NCLN: variants seen among roughly 807,000 people sequenced by gnomAD.
NCLN encodes the protein BOS complex subunit NCLN.
In NCLN, 34 loss-of-function variants were observed where a neutral mutation model predicts 69.5. That is an observed-to-expected ratio of 0.49 (90% CI 0.37 to 0.65). The LOEUF (loss-of-function observed/expected upper bound fraction) is 0.65. Ranked by LOEUF, NCLN falls within the 30% of genes least tolerant of loss-of-function variation. The pLI is 0.00. For missense variants in NCLN, 710 were observed against 804.8 expected, an observed-to-expected ratio of 0.88 and a Z score of 1.42; for synonymous variants, 393 against 358.3, an observed-to-expected ratio of 1.10 and a Z score of -1.09.
intron 3 of NCLN, among the ~76,000 whole-genome samples, chr19:3,193,993 G>C (rs565430844): frequency 6.6e-6 from 1 of 152,340 alleles, no homozygotes; most frequent in Admixed American, 6.5e-5. Flanking sequence ...AGCCAGCTGA[G>C]GGGCTTGCCC....
chr19:3,194,230 A>G (rs1445034432), intron 3 of NCLN, among the ~76,000 whole-genome samples: 1 of 152,196 alleles, frequency 6.6e-6, no homozygotes, highest in Non-Finnish European at 1.5e-5. Flanking sequence ...AAAAATAGAA[A>G]AAGTTAGCCG....
chr19:3,201,525 G>T lies in NCLN; in HGVS notation c.699G>T (p.Trp233Cys). 2 of 1,554,286 alleles carry T rather than the reference G, an allele frequency of 1.3e-6. No individual in the cohort carries two copies. Among genetic ancestry groups the T allele is most frequent in the Non-Finnish European group, 1.7e-6 (2 of 1,156,074 alleles). ...AHYDAFGVAP[W>C]LSLGADSNGS... ...CCTTGCCTCTCCCGTCCCTGTAGTG[G>T]CTGTCGCTGGGCGCGGACTCCAACG... The change falls in exon 6 of 15, where the codon TGG (tryptophan) becomes TGT (cysteine). Residue 233 changes from tryptophan (W) to cysteine (C), a missense_variant and splice_region_variant. Transcript: ENST00000246117.
intron 9 of NCLN, among the ~76,000 whole-genome samples, 153 bp downstream of exon 9, chr19:3,204,904 C>T (rs750201462): frequency 6.6e-5 from 10 of 152,216 alleles, no homozygotes; most frequent in East Asian, 5.8e-4. Flanking sequence ...GCCGGCTGCA[C>T]GGTCAGGCCG....
chr19:3,206,425 G>A lies in NCLN; in HGVS notation c.1499G>A (p.Arg500Gln), dbSNP rs777009406. 9 of 1,545,564 alleles carry A rather than the reference G, an allele frequency of 5.8e-6. No homozygotes were observed. The highest frequency in any genetic ancestry group is 4.1e-5 in the African/African-American group (3 of 72,986). ...VKQHHVKADKRDPEFVFYDQL... is the reference protein window; with the variant it reads ...VKQHHVKADKQDPEFVFYDQL... ...CAGCACCACGTCAAGGCTGACAAGC[G>A]GTGAGGCTGGGGCTCCGCGCTGGCC... The change falls in exon 12 of 15, where the codon CGG becomes CAG. Residue 500 changes from arginine (R) to glutamine (Q), a missense_variant and splice_region_variant. Coordinates refer to ENST00000246117, the MANE Select transcript of NCLN (RefSeq NM_020170.4).
At chr19:3,192,795 A>G (rs1157438334) in intron 2 of NCLN, 135 bp downstream of exon 2, 2 of 824,282 alleles carry the variant, frequency 2.4e-6, no homozygotes, top group South Asian at 2.0e-5. Context: ...CCCCTGCTCC[A>G]TTGATCTCCA....
intron 4 of NCLN, among the ~76,000 whole-genome samples, chr19:3,197,090 G>A (rs1279329252): frequency 1.3e-5 from 2 of 152,248 alleles, no homozygotes; most frequent in East Asian, 1.9e-4. Flanking sequence ...TTTGTCGATG[G>A]CGGCTGTTCT....
Position 3,206,360 on chromosome 19 carries a change from G to T in NCLN, c.1434G>T (p.Thr478=), listed in dbSNP as rs1329170958. The change falls in exon 12 of 15, where the codon ACG becomes ACT. Residue 478 remains threonine, a synonymous_variant. Coordinates refer to ENST00000246117, the MANE Select transcript of NCLN (RefSeq NM_020170.4). ...LVDKDSTFLS[T]LEHHLSRYLK... is the part of the protein sequence containing the mutation. ...ACAAGGACAGCACCTTCCTCAGCACGCTGGAGCACCACCTGAGCCGCTACC... is the reference window on the plus strand; with the variant it reads ...ACAAGGACAGCACCTTCCTCAGCACTCTGGAGCACCACCTGAGCCGCTACC... 1.3e-6 allele frequency: 2 copies of T among 1,548,268 alleles called. No individual in the cohort carries two copies. Among genetic ancestry groups the T allele is most frequent in the Non-Finnish European group, 1.7e-6 (2 of 1,146,934 alleles).
chr19:3,187,870 T>C (rs1342869797), intron 1 of NCLN, among the ~76,000 whole-genome samples: 2 of 152,116 alleles, frequency 1.3e-5, no homozygotes, highest in African/African-American at 4.8e-5. Context: ...TCCGTGCTGC[T>C]TGGGATTTTC....
At chr19:3,186,537 C>T (rs2144889885) in intron 1 of NCLN, among the ~76,000 whole-genome samples, 1 of 152,304 alleles carries the variant, frequency 6.6e-6, no homozygotes, top group South Asian at 2.1e-4. Context: ...CCCAGCTGGG[C>T]CGGCGTCTGC....
chr19:3,206,148 G>A lies in NCLN; in HGVS notation c.1297-4G>A, dbSNP rs1348731599. On this transcript the variant is annotated splice_region_variant and splice_polypyrimidine_tract_variant and intron_variant, in intron 10 of 14. Transcript: ENST00000246117. ...CTCAGGGCCATCCCCTCCTCTCTCC[G>A]CAGGGGACACCCCCAGACATGCCGG... 9.2e-6 allele frequency: 14 copies of A among 1,524,806 alleles called. No homozygotes were observed. Among genetic ancestry groups the A allele is most frequent in the South Asian group, 7.5e-5 (6 of 79,700 alleles). 94.5% of individuals were successfully genotyped at this position (1,524,806 alleles called of 1,614,324 possible). A position where few individuals can be genotyped will look rare whatever the true frequency, so the allele number is the denominator to read the frequency against.
chr19:3,202,553 G>A (rs1020344162), intron 6 of NCLN, among the ~76,000 whole-genome samples: 1 of 152,250 alleles, frequency 6.6e-6, no homozygotes, highest in Non-Finnish European at 1.5e-5. Context: ...TGCAGTCATT[G>A]TGTCAGCAGC....
Position 3,207,999 on chromosome 19 carries a change from C to A in NCLN, c.*311C>A. The A allele has an allele frequency of 2.5e-6, 1 of 400,276 alleles. No individual in the cohort carries two copies. 24.8% of individuals were successfully genotyped at this position (400,276 alleles called of 1,614,324 possible). A position where few individuals can be genotyped will look rare whatever the true frequency, so the allele number is the denominator to read the frequency against. On this transcript the variant is annotated 3_prime_UTR_variant, in exon 15 of 15. Coordinates refer to ENST00000246117, the MANE Select transcript of NCLN (RefSeq NM_020170.4). ...CCGGCCGCCCTCGGTCTGGTGTAAG[C>A]ACACATGCACGATTAAAGAGGAGAC...
In NCLN at chr19:3,209,283, C is replaced by T. The variant is rs1242197625; in HGVS notation, c.*1595C>T. 1.3e-5 allele frequency: 2 copies of T among 152,324 alleles called. No individual in the cohort carries two copies. The highest frequency in any genetic ancestry group is 2.9e-5 in the Non-Finnish European group (2 of 68,100). The allele number at this position is 152,324 out of a possible 1,614,324, so 9.4% of individuals were successfully genotyped here. On this transcript the variant is annotated 3_prime_UTR_variant, in exon 15 of 15. Coordinates refer to ENST00000246117, the MANE Select transcript of NCLN (RefSeq NM_020170.4). ...CGTCTGCCCTGCGGGTTGCCCGCCT[C>T]CTCCAGAGACTTGCCCAAGGGCCCA...
intron 1 of NCLN, among the ~76,000 whole-genome samples, chr19:3,189,206 T>A (rs1439733052): frequency 6.6e-6 from 1 of 152,126 alleles, no homozygotes. Context: ...CTCGGCTCGG[T>A]GGCCGTTCAC....
chr19:3,203,955 G>A (rs1462284579), intron 7 of NCLN, 50 bp from the exon 8 acceptor site: 3 of 1,547,212 alleles, frequency 1.9e-6, no homozygotes, highest in East Asian at 2.4e-5. Flanking sequence ...GGAGGGCCGG[G>A]GGCCACTTCC....
In NCLN at chr19:3,205,827, TA is replaced by T. The variant is rs778006354; in HGVS notation, c.1209-109del. 43 of 924,532 alleles carry T rather than the reference TA, an allele frequency of 4.7e-5. No individual in the cohort carries two copies. The highest frequency in any genetic ancestry group is 7.0e-5 in the Admixed American group (3 of 43,110). The allele number at this position is 924,532 out of a possible 1,614,324, so 57.3% of individuals were successfully genotyped here. A position where few individuals can be genotyped will look rare whatever the true frequency, so the allele number is the denominator to read the frequency against. On this transcript the variant is annotated intron_variant, in intron 9 of 14. Transcript: ENST00000246117. This position sits in a 1 kb window ranked among gnomAD's most constrained non-coding sequence, Gnocchi z 4.6. ...GCTAAGCTTAATTTTTTTTTTTTTT[TA>T]AAGACAGAGTCTCACGGTCTCCTAG...
At chr19:3,202,286 T>C (rs1916146267) in intron 6 of NCLN, among the ~76,000 whole-genome samples, 1 of 152,178 alleles carries the variant, frequency 6.6e-6, no homozygotes, top group Admixed American at 6.5e-5. Flanking sequence ...GTTGGGAGTT[T>C]ATCCTGGTGT....
intron 6 of NCLN, 53 bp from the exon 7 acceptor site, chr19:3,203,703 C>T: frequency 6.6e-7 from 1 of 1,519,526 alleles, no homozygotes; most frequent in South Asian, 1.2e-5. Flanking sequence ...CCTGGTCCCT[C>T]CTCCACCCCA....
intron 2 of NCLN, 141 bp from the exon 3 acceptor site, chr19:3,193,143 A>G: frequency 2.6e-6 from 2 of 757,982 alleles, no homozygotes; most frequent in Non-Finnish European, 4.2e-6. Flanking sequence ...CTCCAGGGAC[A>G]GTCACTGGGC....
Sources: gnomAD v4.1 joint callset for allele counts (sites outside exome capture counted in the v4.1 genomes callset) on GRCh38, gnomAD v4.1.1 for gene constraint, Gnocchi (gnomAD v3.1) non-coding constraint, MANE v1.5 for transcripts, NCBI Gene and HGNC (gene_info 2026-07-23, HGNC 2026-07-21) for gene names.